The following BBS9 variants were observed in gnomAD, a reference collection of about 807,000 sequenced individuals.
BBS9 encodes the protein protein PTHB1.
A neutral mutation model predicts 117.7 loss-of-function variants in BBS9; 89 were observed. The ratio of observed to expected loss-of-function variants is 0.76; its 90% CI spans 0.64 to 0.90. BBS9 has a LOEUF of 0.90. Among genes scored for constraint, BBS9 ranks in the 40% least tolerant of loss-of-function variants. The pLI, the probability that BBS9 is intolerant of heterozygous loss-of-function variation, is 0.00. For synonymous variants in BBS9, 379 were observed against 370.9 expected (o/e 1.02, Z -0.25); for missense variants, 982 against 1,042.2 (o/e 0.94, Z 0.80).
At chr7:33,493,504 A>G (rs1197121579) in intron 19 of BBS9, among the ~76,000 whole-genome samples, 1 of 152,186 alleles carries the variant, frequency 6.6e-6, no homozygotes, top group Non-Finnish European at 1.5e-5. Context: ...CCTGATTCTA[A>G]TGAAAGTACG....
At chr7:33,422,231 TA>T (rs1390281959) in intron 19 of BBS9, among the ~76,000 whole-genome samples, 1 of 152,174 alleles carries the variant, frequency 6.6e-6, no homozygotes, top group East Asian at 1.9e-4. Context: ...TCCTGTCTTT[TA>T]AAAAATGTGT....
intron 19 of BBS9, among the ~76,000 whole-genome samples, chr7:33,405,830 G>C (rs367726563): frequency 1.3e-5 from 2 of 151,886 alleles, no homozygotes; most frequent in African/African-American, 4.8e-5. Context: ...AGGGTTTTTT[G>C]TGTCTCTATT....
rs544651385 is a variant in BBS9, at chr7:33,294,194, C to T, written c.1016+20238C>T. Among the ~76,000 whole-genome samples the T allele has an allele frequency of 2.0e-5, 3 of 152,052 alleles. No individual in the cohort carries two copies. The South Asian group carries it at 6.2e-4, about 32-fold the overall frequency. Reference sequence around the variant, plus strand: ...ATAAGACTACTTATAAATATTTTTCCATTTATAAATGTTTACTTCTGTTAG... The same window carrying T: ...ATAAGACTACTTATAAATATTTTTCTATTTATAAATGTTTACTTCTGTTAG... On this transcript the variant is annotated intron_variant, in intron 9 of 22. Coordinates refer to ENST00000242067, the MANE Select transcript of BBS9 (RefSeq NM_198428.3).
At chr7:33,313,532 T>A (rs1444613295) in intron 9 of BBS9, among the ~76,000 whole-genome samples, 1 of 152,202 alleles carries the variant, frequency 6.6e-6, no homozygotes, top group Non-Finnish European at 1.5e-5. Flanking sequence ...AAGAGTTAGT[T>A]TCAAAAGAAC....
intron 20 of BBS9, among the ~76,000 whole-genome samples, chr7:33,533,267 C>G (rs1850860095): frequency 6.6e-6 from 1 of 152,178 alleles, no homozygotes; most frequent in Non-Finnish European, 1.5e-5. Flanking sequence ...TGTCACTGCA[C>G]TTTTCTAGGT....
chr7:33,508,209 T>A (rs886239979), intron 20 of BBS9, among the ~76,000 whole-genome samples: 1 of 152,212 alleles, frequency 6.6e-6, no homozygotes, highest in South Asian at 2.1e-4. Context: ...AGCTTACTGA[T>A]GAGAAAGGAA....
chr7:33,579,545 C>T (rs1218914391), intron 21 of BBS9, among the ~76,000 whole-genome samples: 1 of 152,162 alleles, frequency 6.6e-6, no homozygotes, highest in East Asian at 1.9e-4. Context: ...TCGCCTCAAA[C>T]ATGAAAGAAG....
intron 21 of BBS9, among the ~76,000 whole-genome samples, chr7:33,573,815 G>A (rs1006322699): frequency 2.1e-4 from 32 of 152,096 alleles, no homozygotes; most frequent in African/African-American, 7.0e-4. Context: ...TAGCCAAGGA[G>A]TAGAAGAGAG....
intron 20 of BBS9, among the ~76,000 whole-genome samples, chr7:33,529,235 G>A (rs1365837302): frequency 6.6e-6 from 1 of 152,188 alleles, no homozygotes; most frequent in South Asian, 2.1e-4. Context: ...GTGGAAACAG[G>A]GGACTGGGCA....
At position 33,519,694 on chromosome 7, in the gene BBS9, T is replaced by C. The variant is rs139409243; in HGVS notation, c.2298+14049T>C. On this transcript the variant is annotated intron_variant, in intron 20 of 22. Transcript: ENST00000242067. ...AATATGTTAATTATGACCATGAATC[T>C]TCTAGGGGAAGAAGTCATTTCTGAA... is the stretch of plus-strand genomic sequence containing the variant. 5.0e-3 allele frequency among the ~76,000 whole-genome samples: 757 copies of C among 152,336 alleles called. 2 individuals carry two copies. Among genetic ancestry groups the C allele is most frequent in the African/African-American group, 0.017 (704 of 41,576 alleles).
chr7:33,169,964 A>G (rs1796287458), intron 4 of BBS9, among the ~76,000 whole-genome samples: 1 of 152,098 alleles, frequency 6.6e-6, no homozygotes, highest in African/African-American at 2.4e-5. Flanking sequence ...TTAAGTCTTT[A>G]ATCCATCTTG....
At chr7:33,513,353 T>C (rs750651904) in intron 20 of BBS9, among the ~76,000 whole-genome samples, 3 of 152,208 alleles carry the variant, frequency 2.0e-5, no homozygotes, top group Admixed American at 6.5e-5. Flanking sequence ...TGCAATTTAT[T>C]TCTCATTAAG....
chr7:33,393,273 T>C (rs2128769330), intron 19 of BBS9, among the ~76,000 whole-genome samples: 1 of 152,308 alleles, frequency 6.6e-6, no homozygotes, highest in Non-Finnish European at 1.5e-5. Flanking sequence ...TATTTGCCCA[T>C]GTTCTTAGTT....
chr7:33,247,388 T>C (rs1400896852), intron 5 of BBS9, among the ~76,000 whole-genome samples: 2 of 152,110 alleles, frequency 1.3e-5, no homozygotes, highest in African/African-American at 4.8e-5. Flanking sequence ...TGTCCTCAAG[T>C]TGTGGCTCTG....
chr7:33,463,836 C>A (rs1220899191), intron 19 of BBS9, among the ~76,000 whole-genome samples: 1 of 151,898 alleles, frequency 6.6e-6, no homozygotes, highest in African/African-American at 2.4e-5. Flanking sequence ...TCCTATCAAC[C>A]CACCCCTTTC....
intron 21 of BBS9, among the ~76,000 whole-genome samples, chr7:33,571,144 T>C (rs921602054): frequency 5.3e-5 from 8 of 152,162 alleles, no homozygotes; most frequent in Non-Finnish European, 1.2e-4. Flanking sequence ...TTGTACTATT[T>C]TGTTTTCAAT....
At chr7:33,590,459 G>GTTT (rs71554107) in intron 21 of BBS9, among the ~76,000 whole-genome samples, 2 of 101,502 alleles carry the variant, frequency 2.0e-5, no homozygotes, top group Non-Finnish European at 3.9e-5. Context: ...TTGTTTTTTT[G>GTTT]TTTTTTTTTT....
At chr7:33,529,277 T>G (rs971126003) in intron 20 of BBS9, among the ~76,000 whole-genome samples, 1 of 152,160 alleles carries the variant, frequency 6.6e-6, no homozygotes, top group Non-Finnish European at 1.5e-5. Context: ...AGCAGGCAAC[T>G]TGGCATTGGA....
chr7:33,354,353 T>G (rs1265277801), intron 15 of BBS9, among the ~76,000 whole-genome samples: 1 of 152,144 alleles, frequency 6.6e-6, no homozygotes, highest in African/African-American at 2.4e-5. Context: ...TCTGCTTTTA[T>G]ATGTGGAAAA....
Sources: gnomAD v4.1 joint callset for allele counts (sites outside exome capture counted in the v4.1 genomes callset) on GRCh38, gnomAD v4.1.1 for gene constraint, MANE v1.5 for transcripts, NCBI Gene and HGNC (gene_info 2026-07-23, HGNC 2026-07-21) for gene names.